Variants in ZDHHC5 observed in about 807,000 individuals in gnomAD.
ZDHHC5 encodes the protein palmitoyltransferase ZDHHC5.
A neutral mutation model predicts 70.0 loss-of-function variants in ZDHHC5; 22 were observed. That is an observed-to-expected ratio of 0.31 (90% confidence interval 0.22 to 0.45). The LOEUF is 0.45. Ranked by LOEUF, ZDHHC5 falls within the 20% of genes least tolerant of loss-of-function variation. The probability of loss-of-function intolerance (pLI) is 1.00; values close to 1 mark genes in which losing one functional copy is unlikely to be tolerated. For synonymous variants in ZDHHC5, 313 were observed against 347.8 expected (o/e 0.90, Z 1.11); for missense variants, 746 against 926.9 (o/e 0.80, Z 2.53).
intron 8 of ZDHHC5, among the ~76,000 whole-genome samples, chr11:57,695,503 AT>A (rs1344261950): frequency 6.6e-6 from 1 of 152,132 alleles, no homozygotes; most frequent in African/African-American, 2.4e-5. Flanking sequence ...GTTGAGAAAT[AT>A]ATGATAGGCA....
intron 8 of ZDHHC5, 58 bp from the exon 9 acceptor site, chr11:57,695,862 T>C: frequency 6.3e-7 from 1 of 1,583,732 alleles, no homozygotes. Flanking sequence ...ATTTAATACT[T>C]TGAGTTGCCA....
intron 3 of ZDHHC5, among the ~76,000 whole-genome samples, chr11:57,686,418 C>G (rs769653086): frequency 6.6e-6 from 1 of 151,952 alleles, no homozygotes; most frequent in Non-Finnish European, 1.5e-5. Context: ...CGGGTTCAAG[C>G]AATTATTCTA....
At chr11:57,669,774 G>A (rs1350563412) in intron 1 of ZDHHC5, among the ~76,000 whole-genome samples, 1 of 152,178 alleles carries the variant, frequency 6.6e-6, no homozygotes, top group Non-Finnish European at 1.5e-5. Context: ...ACATATTCTT[G>A]TATACTTTTT....
intron 6 of ZDHHC5, among the ~76,000 whole-genome samples, chr11:57,691,152 A>C (rs1205513287): frequency 6.6e-6 from 1 of 151,932 alleles, no homozygotes; most frequent in Non-Finnish European, 1.5e-5. Context: ...GCTCACTGCA[A>C]CCTCTGCCTC....
intron 3 of ZDHHC5, among the ~76,000 whole-genome samples, chr11:57,686,597 T>A (rs1482925005): frequency 6.6e-6 from 1 of 152,130 alleles, no homozygotes; most frequent in Admixed American, 6.6e-5. Flanking sequence ...ATTACAGGCA[T>A]GAGCCACTGT....
At chr11:57,698,538 C>T (rs759363397) in intron 10 of ZDHHC5, 21 bp from the exon 11 acceptor site, 7 of 1,569,552 alleles carry the variant, frequency 4.5e-6, no homozygotes, top group Non-Finnish European at 5.2e-6. Context: ...CACTAAGAGC[C>T]TGCTTTACTT....
Position 57,693,858 on chromosome 11 carries a change from G to A in ZDHHC5, c.828G>A (p.Gly276=). The change falls in exon 8 of 12, where the codon GGG becomes GGA. Residue 276 remains glycine (G), a synonymous_variant. Transcript: ENST00000287169. ...TCCTTCGACCAGAAGTTTCAGATGG[G>A]CAGATAACTGTGAAGATCATGGATA... ...PPFLRPEVSD[G]QITVKIMDNG... The A allele has an allele frequency of 6.2e-7, 1 of 1,612,664 alleles. No homozygotes were observed. Among genetic ancestry groups the A allele is most frequent in the South Asian group, 1.1e-5 (1 of 90,668 alleles).
intron 3 of ZDHHC5, among the ~76,000 whole-genome samples, chr11:57,683,128 A>G (rs931668547): frequency 6.6e-6 from 1 of 152,220 alleles, no homozygotes; most frequent in African/African-American, 2.4e-5. Context: ...TGAAATGGCA[A>G]ACTTAGTGGG....
chr11:57,670,615 G>A (rs1945993319), intron 1 of ZDHHC5, among the ~76,000 whole-genome samples: 1 of 152,060 alleles, frequency 6.6e-6, no homozygotes, highest in African/African-American at 2.4e-5. Context: ...GACTAGAGAG[G>A]ATTTATGTTT....
chr11:57,694,783 G>A (rs963658687), intron 8 of ZDHHC5, among the ~76,000 whole-genome samples: 2 of 152,172 alleles, frequency 1.3e-5, no homozygotes, highest in African/African-American at 4.8e-5. Flanking sequence ...TGGTTTAAAT[G>A]GGCAAATAAG....
chr11:57,696,296 T>C (rs779621062), intron 9 of ZDHHC5, among the ~76,000 whole-genome samples: 1 of 152,216 alleles, frequency 6.6e-6, no homozygotes, highest in Non-Finnish European at 1.5e-5. Context: ...AGAACCTTTT[T>C]GGTGCATTTA....
At position 57,698,916 on chromosome 11, in the gene ZDHHC5, C is replaced by T. The variant is rs1946395174; in HGVS notation, c.1480C>T (p.Pro494Ser). 1 of 1,614,204 alleles carries T rather than the reference C, an allele frequency of 6.2e-7. No individual in the cohort carries two copies. The highest frequency in any genetic ancestry group is 1.3e-5 in the African/African-American group (1 of 75,068). Residue 494 changes from proline (P) to serine (S), a missense_variant, in exon 11 of 12, where the codon CCT (proline) becomes TCT (serine). Physicochemically the swap from Pro to Ser is moderately conservative, Grantham distance 74. Transcript: ENST00000287169. Reference sequence around the variant, plus strand: ...GCAGGCAGGGCCTGAGCCAGACCCACCTTTAGGCTATACCTCTCCCTTCCT... The same window carrying T: ...GCAGGCAGGGCCTGAGCCAGACCCATCTTTAGGCTATACCTCTCCCTTCCT... ...SVQAGPEPDP[P>S]LGYTSPFLSA...
intron 3 of ZDHHC5, among the ~76,000 whole-genome samples, chr11:57,687,121 G>A (rs948176353): frequency 6.6e-6 from 1 of 152,034 alleles, no homozygotes; most frequent in African/African-American, 2.4e-5. Context: ...ATGAGCCACC[G>A]TACCCAGCTG....
At chr11:57,681,476 G>A (rs1351319595) in intron 2 of ZDHHC5, 1 of 152,182 alleles carries the variant, frequency 6.6e-6, no homozygotes, top group Non-Finnish European at 1.5e-5. Flanking sequence ...CCTGAGCTGA[G>A]ACGAGAGTGT....
At chr11:57,670,102 T>G (rs1197230302) in intron 1 of ZDHHC5, among the ~76,000 whole-genome samples, 2 of 152,222 alleles carry the variant, frequency 1.3e-5, no homozygotes, top group Non-Finnish European at 2.9e-5. Context: ...CTAAATGATA[T>G]TCTACTCTAG....
chr11:57,671,101 TCACCAGAGGGGCATGTGAC>T (rs1946001382), intron 1 of ZDHHC5, among the ~76,000 whole-genome samples: 1 of 152,202 alleles, frequency 6.6e-6, no homozygotes, highest in African/African-American at 2.4e-5. Context: ...AGGGTTTGTG[TCACCAGAGGGGCATGTGAC>T]CTCTTGAGTT....
chr11:57,668,818 C>T (rs980058685), intron 1 of ZDHHC5, among the ~76,000 whole-genome samples: 1 of 152,210 alleles, frequency 6.6e-6, no homozygotes, highest in African/African-American at 2.4e-5. Context: ...AGCCCGAATG[C>T]GTTTGTCAAT....
In ZDHHC5 at chr11:57,670,154, T is replaced by C. The variant is rs144416965; in HGVS notation, c.-1070-1867T>C. On this transcript the variant is annotated intron_variant, in intron 1 of 11. Transcript: ENST00000287169. ...ATAATTTTCCATCTTTTCTAGTCTT[T>C]GGGATTTTGAGGGAAAAGTTTGCTT... is the stretch of plus-strand genomic sequence containing the variant. 6.2e-3 allele frequency among the ~76,000 whole-genome samples: 938 copies of C among 152,292 alleles called. 10 individuals carry two copies. Among genetic ancestry groups the C allele is most frequent in the African/African-American group, 0.021 (873 of 41,552 alleles).
In ZDHHC5 at chr11:57,698,549, T is replaced by G. The variant is rs1946387129; in HGVS notation, c.1123-10T>G. 1.9e-6 allele frequency: 3 copies of G among 1,581,926 alleles called. No individual in the cohort carries two copies. In the Admixed American group the frequency reaches 5.5e-5, roughly 29 times the overall value. ...GGAGCACTAAGAGCCTGCTTTACTT[T>G]CTTCCTCAGTTGAGTCGTGGGGACA... On this transcript the variant is annotated splice_polypyrimidine_tract_variant and intron_variant, in intron 10 of 11. Coordinates refer to ENST00000287169, the MANE Select transcript of ZDHHC5 (RefSeq NM_015457.3).
Sources: gnomAD v4.1 joint callset for allele counts (sites outside exome capture counted in the v4.1 genomes callset) on GRCh38, gnomAD v4.1.1 for gene constraint, MANE v1.5 for transcripts, NCBI Gene and HGNC (gene_info 2026-07-23, HGNC 2026-07-21) for gene names.